Variants in TPRG1 observed in about 807,000 individuals in gnomAD.
The protein encoded by TPRG1 is tumor protein p63 regulated 1, also known as tumor protein p63-regulated gene 1 protein.
A neutral mutation model predicts 29.3 loss-of-function variants in TPRG1; 29 were observed. That is an observed-to-expected ratio of 0.99 (90% CI 0.74 to 1.35). The LOEUF (loss-of-function observed/expected upper bound fraction) is 1.35, where lower values mean the gene tolerates loss of function less well. Ranked by LOEUF, TPRG1 falls within the 40% of genes most tolerant of loss-of-function variation. The pLI is 0.00. For missense variants in TPRG1, 327 were observed against 335.0 expected (o/e 0.98, Z 0.19); for synonymous variants, 130 against 116.8 (o/e 1.11, Z -0.73).
At chr3:189,140,941 G>A (rs1293847033) in intron 3 of TPRG1, among the ~76,000 whole-genome samples, 1 of 152,132 alleles carries the variant, frequency 6.6e-6, no homozygotes, top group Non-Finnish European at 1.5e-5. Context: ...TCACCAGCCT[G>A]CAAACCAGGT....
intron 3 of TPRG1, 127 bp from the exon 4 acceptor site, chr3:189,238,606 T>C: frequency 2.8e-6 from 2 of 714,472 alleles, no homozygotes; most frequent in South Asian, 4.4e-5. Flanking sequence ...TATTAGGTAT[T>C]TCTCAGCCCC....
rs537322518 is a variant in TPRG1, at chr3:189,176,905, T to C, written c.-10+4774T>C. Among the ~76,000 whole-genome samples the C allele has an allele frequency of 3.3e-5, 5 of 152,360 alleles. No homozygotes were observed. The East Asian group carries it at 9.6e-4, about 29-fold the overall frequency. ...ACACAATAAGGGCTTTGACTTTCACTCTGATTGAAATAGGAGCTATTTGCA... is the reference window on the plus strand; with the variant it reads ...ACACAATAAGGGCTTTGACTTTCACCCTGATTGAAATAGGAGCTATTTGCA... On this transcript the variant is annotated intron_variant, in intron 1 of 5. Coordinates refer to ENST00000345063, the MANE Select transcript of TPRG1 (RefSeq NM_198485.4).
intron 1 of TPRG1, among the ~76,000 whole-genome samples, chr3:189,179,586 C>T (rs1729944141): frequency 6.6e-6 from 1 of 152,284 alleles, no homozygotes; most frequent in Non-Finnish European, 1.5e-5. Context: ...CCAGACATCT[C>T]ATAATTATCT....
chr3:189,162,387 T>A (rs1421281590), intron 5 of TPRG1, among the ~76,000 whole-genome samples: 2 of 152,162 alleles, frequency 1.3e-5, no homozygotes, highest in African/African-American at 4.8e-5. Context: ...GAATATGATA[T>A]GCACAAAGAA....
At chr3:189,076,570 A>G (rs1717186870) in intron 4 of TPRG1, among the ~76,000 whole-genome samples, 1 of 152,178 alleles carries the variant, frequency 6.6e-6, no homozygotes, top group African/African-American at 2.4e-5. Context: ...TAAAAACAGA[A>G]TGGGCTCATC....
At chr3:189,152,899 C>T (rs112616483) in intron 5 of TPRG1, among the ~76,000 whole-genome samples, 3 of 146,920 alleles carry the variant, frequency 2.0e-5, no homozygotes, top group Admixed American at 6.8e-5. Flanking sequence ...GATTGCTACC[C>T]GCCATTATTA....
chr3:189,252,104 T>C (rs1200188850), intron 4 of TPRG1, among the ~76,000 whole-genome samples: 3 of 152,182 alleles, frequency 2.0e-5, no homozygotes, highest in Admixed American at 6.6e-5. Context: ...TTAAGGAGCA[T>C]GCTGCCTTCA....
intron 1 of TPRG1, among the ~76,000 whole-genome samples, chr3:189,173,737 A>C (rs1729133261): frequency 6.6e-6 from 1 of 152,026 alleles, no homozygotes; most frequent in Admixed American, 6.6e-5. Context: ...TTCATTGCCC[A>C]CAATATGTAG....
At chr3:189,299,366 A>G (rs1357216379) in intron 4 of TPRG1, among the ~76,000 whole-genome samples, 1 of 152,140 alleles carries the variant, frequency 6.6e-6, no homozygotes, top group Non-Finnish European at 1.5e-5. Flanking sequence ...GCGGCAAAAC[A>G]CTTTCAAAGC....
chr3:189,117,881 G>A (rs1033768312), intron 1 of TPRG1, among the ~76,000 whole-genome samples: 1 of 152,184 alleles, frequency 6.6e-6, no homozygotes, highest in Non-Finnish European at 1.5e-5. Flanking sequence ...CTTCATAGCA[G>A]TGTGAGAATG....
intron 1 of TPRG1, among the ~76,000 whole-genome samples, chr3:189,175,063 G>T (rs1729297867): frequency 1.3e-5 from 2 of 151,834 alleles, no homozygotes; most frequent in South Asian, 4.2e-4. Flanking sequence ...GGGATTTAGG[G>T]GTAAAGAGTA....
At chr3:189,306,092 A>G (rs769588575) in intron 4 of TPRG1, among the ~76,000 whole-genome samples, 15 of 152,226 alleles carry the variant, frequency 9.9e-5, no homozygotes, top group Non-Finnish European at 2.2e-4. Flanking sequence ...TTGTCAGATC[A>G]TGGGCTTACA....
At chr3:189,053,629 C>A (rs1020700089) in intron 4 of TPRG1, among the ~76,000 whole-genome samples, 5 of 152,164 alleles carry the variant, frequency 3.3e-5, no homozygotes, top group Admixed American at 6.5e-5. Flanking sequence ...GCTATATAAA[C>A]CCCTAATTTT....
intron 4 of TPRG1, among the ~76,000 whole-genome samples, chr3:189,285,695 G>A (rs557025077): frequency 3.3e-5 from 5 of 152,126 alleles, no homozygotes; most frequent in East Asian, 1.9e-4. Context: ...TTTAAGGTGG[G>A]TAGTAACTCT....
intron 3 of TPRG1, among the ~76,000 whole-genome samples, chr3:189,008,466 C>T (rs987016935): frequency 1.3e-5 from 2 of 152,110 alleles, no homozygotes; most frequent in Non-Finnish European, 2.9e-5. Flanking sequence ...GCTAAAGTTG[C>T]AAATCATAAT....
chr3:189,178,565 A>T (rs1729802901), intron 1 of TPRG1, among the ~76,000 whole-genome samples: 1 of 152,206 alleles, frequency 6.6e-6, no homozygotes, highest in Non-Finnish European at 1.5e-5. Flanking sequence ...AACTTGATTG[A>T]TGTACATAGG....
At chr3:189,018,116 G>A (rs1391086663) in intron 3 of TPRG1, among the ~76,000 whole-genome samples, 1 of 152,200 alleles carries the variant, frequency 6.6e-6, no homozygotes, top group Non-Finnish European at 1.5e-5. Flanking sequence ...GTTCTTTGTA[G>A]ATTCTGGATA....
chr3:189,140,773 T>A (rs189566422), intron 3 of TPRG1, among the ~76,000 whole-genome samples: 289 of 152,346 alleles, frequency 1.9e-3, no homozygotes, highest in African/African-American at 6.8e-3. Flanking sequence ...TCTGTAAGTA[T>A]TCTGCAGTTT....
rs187057243 is a variant in TPRG1, at chr3:189,055,527, C to T, written c.-463+31581C>T. ...CAACCAAGGTGCAGGGGAGCTAGAA[C>T]ATTTATATTCCTCACTCACCAGTCA... On this transcript the variant is annotated intron_variant, in intron 4 of 10. Coordinates refer to the TPRG1 transcript ENST00000433971. Among the ~76,000 whole-genome samples the T allele has an allele frequency of 9.9e-5, 15 of 152,248 alleles. No homozygotes were observed. The East Asian group carries it at 2.9e-3, about 29-fold the overall frequency.
Sources: allele counts gnomAD v4.1 joint callset (sites outside exome capture counted in the v4.1 genomes callset), GRCh38; gene constraint gnomAD v4.1.1; transcripts MANE v1.5; gene names NCBI Gene and HGNC (gene_info 2026-07-23, HGNC 2026-07-21).